Variants in SLC25A22 observed in about 807,000 individuals in gnomAD.
SLC25A22 encodes the protein mitochondrial glutamate carrier 1.
A neutral mutation model predicts 33.7 loss-of-function variants in SLC25A22; 23 were observed. The observed-to-expected ratio is 0.68, with a 90% CI of 0.49 to 0.97. The LOEUF is 0.97. Ranked by LOEUF, SLC25A22 falls within the 50% of genes least tolerant of loss-of-function variation. The probability of loss-of-function intolerance (pLI) is 0.00; values close to 1 mark genes in which losing one functional copy is unlikely to be tolerated. For synonymous variants in SLC25A22, 245 were observed against 203.8 expected, an observed-to-expected ratio of 1.20 and a Z score of -1.72; for missense variants, 390 against 451.1, an observed-to-expected ratio of 0.86 and a Z score of 1.23.
chr11:794,718 C>A, intron 3 of SLC25A22, 58 bp downstream of exon 3: 1 of 1,575,648 alleles, frequency 6.3e-7, no homozygotes, highest in East Asian at 2.3e-5. Context: ...AGCAGAGCCC[C>A]CACCTCTCCT....
At chr11:798,194 G>A (rs1462243741) in intron 1 of SLC25A22, 23 bp downstream of exon 1, 5 of 397,398 alleles carry the variant, frequency 1.3e-5, no homozygotes, top group Non-Finnish European at 1.3e-5. Context: ...GCAGCAGAAG[G>A]GAGCCGCCGG....
chr11:792,676 C>G lies in SLC25A22; in HGVS notation c.464G>C (p.Gly155Ala), dbSNP rs200992080. Reference protein sequence around the residue: ...AAQGQLSAQGGAQPSVEAPAA... With the variant: ...AAQGQLSAQGAAQPSVEAPAA... ...TGGAGCCTCCACTGAGGGCTGGGCACCCCCCTGGGCCGAGAGCTGGCCCTG... is the reference window on the plus strand; with the variant it reads ...TGGAGCCTCCACTGAGGGCTGGGCAGCCCCCTGGGCCGAGAGCTGGCCCTG... Residue 155 changes from glycine (G) to alanine (A), a missense_variant, in exon 7 of 10, where the codon GGT becomes GCT. Gly to Ala is a moderately conservative substitution (Grantham distance 60). Transcript: ENST00000628067. The G allele has an allele frequency of 3.1e-5, 48 of 1,559,116 alleles. No individual in the cohort carries two copies. In the African/African-American group the frequency reaches 4.9e-4, roughly 16 times the overall value.
chr11:792,380 C>A lies in SLC25A22; in HGVS notation c.666G>T (p.Lys222Asn). ...CCAGGAAGGACACGTAGAAAGGCGACTTCTCCTCGGACGCCGGGCGGCCCA... is the reference window on the plus strand; with the variant it reads ...CCAGGAAGGACACGTAGAAAGGCGAATTCTCCTCGGACGCCGGGCGGCCCA... Reference protein sequence around the residue: ...NQLGRPASEEKSPFYVSFLAG... With the variant: ...NQLGRPASEENSPFYVSFLAG... Residue 222 changes from lysine (K) to asparagine (N), a missense_variant, in exon 8 of 10, where the codon AAG (lysine) becomes AAT (asparagine). Coordinates refer to ENST00000628067, the MANE Select transcript of SLC25A22 (RefSeq NM_001191061.2). 1 of 1,613,362 alleles carries A rather than the reference C, an allele frequency of 6.2e-7. No individual in the cohort carries two copies. The highest frequency in any genetic ancestry group is 8.5e-7 in the Non-Finnish European group (1 of 1,179,972).
intron 1 of SLC25A22, 96 bp from the exon 2 acceptor site, chr11:795,265 A>G (rs1461719630): frequency 1.6e-6 from 1 of 613,560 alleles, no homozygotes; most frequent in Non-Finnish European, 2.9e-6. Flanking sequence ...CTCACCCACC[A>G]CCCCAGACTG....
At chr11:797,081 G>A (rs1008025804) in intron 1 of SLC25A22, among the ~76,000 whole-genome samples, 1 of 152,138 alleles carries the variant, frequency 6.6e-6, no homozygotes, top group East Asian at 1.9e-4. Context: ...TTCCTCCTGG[G>A]AGCCTATCTC....
intron 6 of SLC25A22, 29 bp downstream of exon 6, chr11:792,841 C>T (rs746288915): frequency 1.3e-5 from 16 of 1,227,250 alleles, no homozygotes; most frequent in Middle Eastern, 2.0e-4. Flanking sequence ...CGCACCTCTG[C>T]CCTCTCCTCC....
Position 795,176 on chromosome 11 carries a change from G to A in SLC25A22, c.-163-7C>T, listed in dbSNP as rs868380668. On this transcript the variant is annotated splice_polypyrimidine_tract_variant and splice_region_variant and intron_variant, in intron 1 of 9. Transcript: ENST00000628067. The stretch of plus-strand genomic sequence containing the variant: ...AGCAACCGCCACTTCTGTCCTAGAA[G>A]GATGAGGGAATGGGAATGAGTGAGG... 6 of 814,388 alleles carry A rather than the reference G, an allele frequency of 7.4e-6. No individual in the cohort carries two copies. The Middle Eastern group carries it at 1.0e-3, about 136-fold the overall frequency. 50.4% of individuals were successfully genotyped at this position (814,388 alleles called of 1,614,324 possible). A position where few individuals can be genotyped will look rare whatever the true frequency, so the allele number is the denominator to read the frequency against.
At chr11:796,862 G>A (rs1434973554) in intron 1 of SLC25A22, among the ~76,000 whole-genome samples, 2 of 152,180 alleles carry the variant, frequency 1.3e-5, no homozygotes, top group Admixed American at 6.5e-5. Flanking sequence ...GGGCTTCACC[G>A]TCAGACCTGC....
intron 4 of SLC25A22, 35 bp downstream of exon 4, chr11:794,423 C>A (rs1181457395): frequency 6.2e-7 from 1 of 1,607,502 alleles, no homozygotes; most frequent in Non-Finnish European, 8.5e-7. Flanking sequence ...CTACCCAGGC[C>A]TGCCCATATC....
intron 1 of SLC25A22, chr11:795,653 A>G (rs953138628): frequency 5.2e-6 from 1 of 193,870 alleles, no homozygotes; most frequent in Non-Finnish European, 1.1e-5. Flanking sequence ...GGGCTCAGCT[A>G]TCCCAGGTAT....
intron 3 of SLC25A22, 27 bp from the exon 4 acceptor site, chr11:794,540 AGGGCCAGCTG>A (rs763070573): frequency 2.5e-6 from 4 of 1,610,370 alleles, no homozygotes; most frequent in Non-Finnish European, 3.4e-6. Context: ...AGGGTGAGCC[AGGGCCAGCTG>A]GGGCCAGCCG....
At chr11:795,482 C>G in intron 1 of SLC25A22, 1 of 337,196 alleles carries the variant, frequency 3.0e-6, no homozygotes, top group Non-Finnish European at 5.8e-6. Flanking sequence ...CCTCTGGGGG[C>G]AGTGCCAGGG....
rs1265172748 is a variant in SLC25A22, at chr11:798,279, G to C, written c.-226C>G. 2 of 372,924 alleles carry C rather than the reference G, an allele frequency of 5.4e-6. No individual in the cohort carries two copies. The highest frequency in any genetic ancestry group is 9.5e-6 in the Non-Finnish European group (2 of 209,666). The allele number at this position is 372,924 out of a possible 1,614,324, so 23.1% of individuals were successfully genotyped here. A position where few individuals can be genotyped will look rare whatever the true frequency, so the allele number is the denominator to read the frequency against. ...CGCGCTCGGCCAGCACCTAGGCGGG[G>C]AGGCGCGTCCGCTCGGCGCCGCGCG... On this transcript the variant is annotated 5_prime_UTR_variant, in exon 1 of 10. Transcript: ENST00000628067.
At position 791,823 on chromosome 11, in the gene SLC25A22, G is replaced by A. The variant is rs1031978352; in HGVS notation, c.*92C>T. On this transcript the variant is annotated 3_prime_UTR_variant, in exon 10 of 10. Coordinates refer to ENST00000628067, the MANE Select transcript of SLC25A22 (RefSeq NM_001191061.2). ...CCCCTGCCGACGGGAGGGCTGGGGA[G>A]GGGTCTTCCCTTGCTCCGTCCTGGG... 1.4e-5 allele frequency: 21 copies of A among 1,462,536 alleles called. No homozygotes were observed. In the South Asian group the frequency reaches 2.6e-4, roughly 18 times the overall value. The allele number at this position is 1,462,536 out of a possible 1,614,324, so 90.6% of individuals were successfully genotyped here.
Position 794,601 on chromosome 11 carries a change from G to A in SLC25A22, c.147-88C>T, listed in dbSNP as rs1454001883. On this transcript the variant is annotated intron_variant, in intron 3 of 9. Coordinates refer to ENST00000628067, the MANE Select transcript of SLC25A22 (RefSeq NM_001191061.2). ...GGACTGTCTAGGGCTGATAGAAGAG[G>A]CCAAGTCCTCAGCCCAGCCCCGACC... The A allele has an allele frequency of 1.9e-6, 3 of 1,554,090 alleles. No individual in the cohort carries two copies. In the Admixed American group the frequency reaches 5.6e-5, roughly 29 times the overall value.
Position 792,096 on chromosome 11 carries a change from C to T in SLC25A22, c.819-28G>A, listed in dbSNP as rs1246163770. The T allele has an allele frequency of 2.5e-6, 4 of 1,601,154 alleles. No homozygotes were observed. The Admixed American group carries it at 5.2e-5, about 21-fold the overall frequency. The stretch of plus-strand genomic sequence containing the variant: ...GTGGAGGAAGGACGAAAGGGTCAGC[C>T]CGGTACGCAGGCCCCCAGGCCCCAC... On this transcript the variant is annotated intron_variant, in intron 9 of 9. Transcript: ENST00000628067.
At chr11:796,566 C>G (rs1864837317) in intron 1 of SLC25A22, among the ~76,000 whole-genome samples, 2 of 152,210 alleles carry the variant, frequency 1.3e-5, no homozygotes, top group Non-Finnish European at 2.9e-5. Flanking sequence ...ATGAGGCTTT[C>G]TCCGGGCCAG....
chr11:794,755 G>GCGAC, intron 3 of SLC25A22, 21 bp downstream of exon 3: 3 of 1,592,798 alleles, frequency 1.9e-6, no homozygotes, highest in Non-Finnish European at 2.6e-6. Flanking sequence ...CCCACTCCCC[G>GCGAC]CGACCGCCCG....
chr11:795,123 T>C lies in SLC25A22; in HGVS notation c.-117A>G, dbSNP rs1864736474. On this transcript the variant is annotated 5_prime_UTR_variant, in exon 2 of 10. Coordinates refer to ENST00000628067, the MANE Select transcript of SLC25A22 (RefSeq NM_001191061.2). ...GGGACCCAGGGGGGTTGGGTGGTGCTCCACCTTCAGGGGAATTTCCAGGCG... is the reference window on the plus strand; with the variant it reads ...GGGACCCAGGGGGGTTGGGTGGTGCCCCACCTTCAGGGGAATTTCCAGGCG... 4.7e-6 allele frequency: 6 copies of C among 1,287,156 alleles called. No homozygotes were observed. Among genetic ancestry groups the C allele is most frequent in the South Asian group, 1.3e-5 (1 of 78,928 alleles). 79.7% of individuals were successfully genotyped at this position (1,287,156 alleles called of 1,614,324 possible). A position where few individuals can be genotyped will look rare whatever the true frequency, so the allele number is the denominator to read the frequency against.
Sources: allele counts gnomAD v4.1 joint callset (sites outside exome capture counted in the v4.1 genomes callset), GRCh38; gene constraint gnomAD v4.1.1; transcripts MANE v1.5; gene names NCBI Gene and HGNC (gene_info 2026-07-23, HGNC 2026-07-21).